The following KIAA1217 variants were observed in gnomAD, a reference collection of about 807,000 sequenced individuals.
KIAA1217 encodes KIAA1217, also known as sickle tail protein homolog.
In KIAA1217, 88 loss-of-function variants were observed where a neutral mutation model predicts 163.9. That is an observed-to-expected ratio of 0.54 (90% confidence interval 0.45 to 0.64). The LOEUF (loss-of-function observed/expected upper bound fraction) is 0.64, where lower values mean the gene tolerates loss of function less well. Among genes scored for constraint, KIAA1217 ranks in the 30% least tolerant of loss-of-function variants. The probability of loss-of-function intolerance (pLI) is 0.00; values close to 1 mark genes in which losing one functional copy is unlikely to be tolerated. For missense variants in KIAA1217, 2,372 were observed against 2,475.0 expected, an observed-to-expected ratio of 0.96 and a Z score of 0.88; for synonymous variants, 903 against 923.1, an observed-to-expected ratio of 0.98 and a Z score of 0.39.
At chr10:24,164,349 C>A (rs1051629866) in intron 2 of KIAA1217, among the ~76,000 whole-genome samples, 3 of 152,232 alleles carry the variant, frequency 2.0e-5, no homozygotes, top group African/African-American at 7.2e-5. Context: ...GTGACATCCT[C>A]TCCCCTACAG....
At chr10:23,731,176 G>A (rs1470955570) in intron 1 of KIAA1217, among the ~76,000 whole-genome samples, 2 of 152,124 alleles carry the variant, frequency 1.3e-5, no homozygotes, top group South Asian at 4.1e-4. Context: ...CTGGCCAGAA[G>A]CCAGAAATAG....
intron 1 of KIAA1217, among the ~76,000 whole-genome samples, chr10:23,873,380 G>T (rs140686605): frequency 2.0e-5 from 3 of 152,090 alleles, no homozygotes; most frequent in East Asian, 1.9e-4. Flanking sequence ...AAAGAAATGT[G>T]ATTTATCTTA....
chr10:23,727,420 T>C (rs1838224772), intron 1 of KIAA1217, among the ~76,000 whole-genome samples: 1 of 151,800 alleles, frequency 6.6e-6, no homozygotes, highest in African/African-American at 2.4e-5. Flanking sequence ...ATTAGCTGGG[T>C]GTGGTGGTGC....
chr10:24,509,659 A>G (rs898774672), intron 9 of KIAA1217, among the ~76,000 whole-genome samples: 2 of 152,196 alleles, frequency 1.3e-5, no homozygotes, highest in Admixed American at 6.5e-5. Flanking sequence ...GGCTCCCCCA[A>G]ACTTAACTAC....
At chr10:23,839,320 C>T (rs1343266911) in intron 1 of KIAA1217, among the ~76,000 whole-genome samples, 3 of 152,146 alleles carry the variant, frequency 2.0e-5, no homozygotes, top group African/African-American at 4.8e-5. Flanking sequence ...TTTTTTGAGG[C>T]ATGTGGTTCT....
At chr10:23,717,547 C>T (rs1048419893) in intron 1 of KIAA1217, among the ~76,000 whole-genome samples, 5 of 152,230 alleles carry the variant, frequency 3.3e-5, no homozygotes, top group Middle Eastern at 3.4e-3. Context: ...AATACATCCC[C>T]TAAGGTTGGA....
intron 2 of KIAA1217, among the ~76,000 whole-genome samples, chr10:24,344,241 G>A (rs1199210482): frequency 6.6e-6 from 1 of 152,172 alleles, no homozygotes; most frequent in East Asian, 1.9e-4. Context: ...ATTTTTAAAT[G>A]TCTTATCTGG....
chr10:23,970,611 G>A (rs557354108), intron 1 of KIAA1217, among the ~76,000 whole-genome samples: 1 of 152,310 alleles, frequency 6.6e-6, no homozygotes, highest in East Asian at 1.9e-4. Flanking sequence ...TTGTCTACTT[G>A]AAAAGTGCTA....
intron 1 of KIAA1217, among the ~76,000 whole-genome samples, chr10:23,868,358 A>G (rs1036950065): frequency 6.6e-6 from 1 of 152,064 alleles, no homozygotes; most frequent in South Asian, 2.1e-4. Context: ...CTGGGCCAAG[A>G]TTTTCCTGAC....
At chr10:23,958,366 A>T (rs1334348036) in intron 1 of KIAA1217, among the ~76,000 whole-genome samples, 2 of 152,224 alleles carry the variant, frequency 1.3e-5, no homozygotes, top group African/African-American at 2.4e-5. Flanking sequence ...AAGCACATAG[A>T]TAAGAGGCAG....
intron 1 of KIAA1217, among the ~76,000 whole-genome samples, chr10:23,994,155 T>G (rs768652572): frequency 6.6e-6 from 1 of 152,206 alleles, no homozygotes; most frequent in Non-Finnish European, 1.5e-5. Context: ...TGTGCTGTGT[T>G]CCTGACCTGG....
chr10:24,274,146 G>A (rs1312222087), intron 2 of KIAA1217, among the ~76,000 whole-genome samples: 1 of 152,116 alleles, frequency 6.6e-6, no homozygotes, highest in African/African-American at 2.4e-5. Context: ...TTTTCAGATG[G>A]GTCCAAATTT....
chr10:24,045,369 A>G (rs1848930201), intron 2 of KIAA1217, among the ~76,000 whole-genome samples: 1 of 151,952 alleles, frequency 6.6e-6, no homozygotes, highest in Non-Finnish European at 1.5e-5. Flanking sequence ...GGCTCTTTCA[A>G]TTTGAGGAAT....
chr10:24,259,399 G>C (rs1243753069), intron 2 of KIAA1217, among the ~76,000 whole-genome samples: 2 of 152,008 alleles, frequency 1.3e-5, no homozygotes, highest in Non-Finnish European at 2.9e-5. Context: ...GATTGCTTGC[G>C]GCCAGGAGTG....
intron 2 of KIAA1217, among the ~76,000 whole-genome samples, chr10:24,149,742 A>G (rs1350581000): frequency 6.6e-6 from 1 of 152,218 alleles, no homozygotes; most frequent in African/African-American, 2.4e-5. Context: ...AATAACTACA[A>G]GAAATATTTG....
chr10:24,327,604 C>A (rs570458313), intron 2 of KIAA1217, among the ~76,000 whole-genome samples: 8 of 152,154 alleles, frequency 5.3e-5, no homozygotes, highest in African/African-American at 1.9e-4. Flanking sequence ...GATCCTCCCA[C>A]CTCAGCCTCC....
chr10:24,107,476 G>A (rs2062677409), intron 2 of KIAA1217, among the ~76,000 whole-genome samples: 2 of 152,162 alleles, frequency 1.3e-5, no homozygotes, highest in Non-Finnish European at 2.9e-5. Context: ...TTCCACAGTG[G>A]CTAAACTAGT....
At chr10:24,318,070 G>A (rs537119837) in intron 2 of KIAA1217, among the ~76,000 whole-genome samples, 4 of 152,286 alleles carry the variant, frequency 2.6e-5, no homozygotes, top group Non-Finnish European at 4.4e-5. Flanking sequence ...ACTTTGGGAA[G>A]CGGAGGCAGG....
chr10:24,266,669 TAATCAGCACTCTGTAAAACGCACC>T (rs1564371551), intron 2 of KIAA1217, among the ~76,000 whole-genome samples: 4 of 152,088 alleles, frequency 2.6e-5, no homozygotes, highest in Non-Finnish European at 4.4e-5. Context: ...TAAAATGCAC[TAATCAGCACTCTGTAAAACGCACC>T]AATCAGCAGG....
Sources: gnomAD v4.1 joint callset for allele counts (sites outside exome capture counted in the v4.1 genomes callset) on GRCh38, gnomAD v4.1.1 for gene constraint, MANE v1.5 for transcripts, NCBI Gene and HGNC (gene_info 2026-07-23, HGNC 2026-07-21) for gene names.